The following EXD1 variants were observed in gnomAD, a reference collection of about 807,000 sequenced individuals.
EXD1 encodes exonuclease 3'-5' domain containing 1.
A neutral mutation model predicts 49.1 loss-of-function variants in EXD1; 63 were observed. The observed-to-expected ratio is 1.28, with a 90% CI of 1.05 to 1.58. The LOEUF is 1.58. EXD1 is among the 40% of genes most tolerant of loss of function. The pLI, the probability that EXD1 is intolerant of heterozygous loss-of-function variation, is 0.00. For missense variants in EXD1, 748 were observed against 666.0 expected, an observed-to-expected ratio of 1.12 and a Z score of -1.36; for synonymous variants, 234 against 239.2, an observed-to-expected ratio of 0.98 and a Z score of 0.20.
intron 6 of EXD1, among the ~76,000 whole-genome samples, chr15:41,211,531 A>G (rs1341401579): frequency 6.6e-6 from 1 of 152,094 alleles, no homozygotes; most frequent in Non-Finnish European, 1.5e-5. Flanking sequence ...CAATTAAAAA[A>G]CAGCAAAAGG....
rs1486703654 is a variant in EXD1 at position 41,183,773 on chromosome 15, C to T, written c.*158G>A. ...ATTTAACTTATTCATTCTCATTCTC[C>T]GCATACCAGGAACACAGGAGTAAGC... is the stretch of plus-strand genomic sequence containing the variant. On this transcript the variant is annotated 3_prime_UTR_variant, in exon 12 of 12. Coordinates refer to ENST00000458580, the MANE Select transcript of EXD1 (RefSeq NM_001286441.2). 13 of 597,010 alleles carry T rather than the reference C, an allele frequency of 2.2e-5. 1 individual carries two copies. The highest frequency in any genetic ancestry group is 2.1e-4 in the South Asian group (7 of 33,608). 37.0% of individuals were successfully genotyped at this position (597,010 alleles called of 1,614,324 possible).
Position 41,230,589 on chromosome 15 carries a change from C to A in EXD1, c.-164G>T. The stretch of plus-strand genomic sequence containing the variant: ...AGTGGTGCGTTCCTCGAACTTCAGT[C>A]TAGAACTAAAAGAAGAGGGGCTGCA... On this transcript the variant is annotated 5_prime_UTR_variant, in exon 1 of 12. Coordinates refer to ENST00000458580, the MANE Select transcript of EXD1 (RefSeq NM_001286441.2). The A allele has an allele frequency of 6.2e-7, 1 of 1,602,180 alleles. No individual in the cohort carries two copies. The highest frequency in any genetic ancestry group is 2.2e-5 in the East Asian group (1 of 44,760).
chr15:41,230,162 C>A, intron 1 of EXD1, among the ~76,000 whole-genome samples: 1 of 149,282 alleles, frequency 6.7e-6, no homozygotes, highest in Non-Finnish European at 1.5e-5. Flanking sequence ...CGGCTCACTG[C>A]AACCTCCGCC....
chr15:41,194,081 A>G (rs533210), intron 9 of EXD1, among the ~76,000 whole-genome samples: 112,305 of 146,894 alleles, frequency 0.76, 42,727 homozygotes, highest in East Asian at 0.99. Context: ...GTGCAATCTT[A>G]GCTTACTGCA....
chr15:41,213,831 T>C (rs1279389302), intron 6 of EXD1, among the ~76,000 whole-genome samples: 1 of 152,216 alleles, frequency 6.6e-6, no homozygotes. Context: ...CTTACAACTC[T>C]GTGACTACAC....
intron 11 of EXD1, among the ~76,000 whole-genome samples, chr15:41,187,190 A>G (rs1273666490): frequency 1.4e-5 from 2 of 146,606 alleles, no homozygotes; most frequent in Non-Finnish European, 3.0e-5. Flanking sequence ...GGTCTGTCCA[A>G]GCAATTCTCC....
chr15:41,186,162 T>C (rs1423144464), intron 11 of EXD1, among the ~76,000 whole-genome samples: 1 of 152,058 alleles, frequency 6.6e-6, no homozygotes, highest in East Asian at 1.9e-4. Context: ...TCTGCATCCA[T>C]GGATTCAACC....
Position 41,219,917 on chromosome 15 carries a change from C to A in EXD1, c.134-19G>T, listed in dbSNP as rs1332966279. ...TTCTTCACTGTTACAGAAAACAATT[C>A]ATTCAGTTAATTAAAATATTTTCCT... On this transcript the variant is annotated intron_variant, in intron 2 of 11. Coordinates refer to ENST00000458580, the MANE Select transcript of EXD1 (RefSeq NM_001286441.2). 29 of 1,521,956 alleles carry A rather than the reference C, an allele frequency of 1.9e-5. No individual in the cohort carries two copies. Among genetic ancestry groups the A allele is most frequent in the Middle Eastern group, 1.7e-4 (1 of 5,972 alleles). The allele number at this position is 1,521,956 out of a possible 1,614,324, so 94.3% of individuals were successfully genotyped here.
intron 7 of EXD1, among the ~76,000 whole-genome samples, chr15:41,197,235 T>TC (rs1194524447): frequency 6.6e-6 from 1 of 151,014 alleles, no homozygotes; most frequent in Non-Finnish European, 1.5e-5. Flanking sequence ...TTTTCTTTTT[T>TC]TTTTTTTTTT....
At chr15:41,226,974 A>G (rs2047172812) in intron 1 of EXD1, among the ~76,000 whole-genome samples, 1 of 152,248 alleles carries the variant, frequency 6.6e-6, no homozygotes, top group Non-Finnish European at 1.5e-5. Flanking sequence ...AGCAAATGAA[A>G]AAAATTGACA....
rs568734167 is a variant in EXD1, at chr15:41,230,744, G to T, written c.-319C>A. 2.4e-5 allele frequency: 14 copies of T among 583,170 alleles called. No individual in the cohort carries two copies. In the African/African-American group the frequency reaches 2.6e-4, roughly 11 times the overall value. 36.1% of individuals were successfully genotyped at this position (583,170 alleles called of 1,614,324 possible). On this transcript the variant is annotated 5_prime_UTR_variant, in exon 1 of 12. Coordinates refer to ENST00000458580, the MANE Select transcript of EXD1 (RefSeq NM_001286441.2). The stretch of plus-strand genomic sequence containing the variant: ...AGAGGCGACGCCCGCCCGGCCCAAC[G>T]TCCAGTCTCGTCTGTTTCCCGAGGA...
At chr15:41,215,865 C>A (rs1309353546) in intron 5 of EXD1, 32 bp from the exon 6 acceptor site, 9 of 1,603,444 alleles carry the variant, frequency 5.6e-6, no homozygotes, top group Non-Finnish European at 6.8e-6. Flanking sequence ...AGATATATTT[C>A]TCTTCCTCAG....
Position 41,183,873 on chromosome 15 carries a change from G to T in EXD1, c.*58C>A, listed in dbSNP as rs1595415140. Reference sequence around the variant, plus strand: ...ATGAGAAACCTGGGCACTGTGGAAAGCCCTGATGGCAAAGGAAATAAGCCA... The same window carrying T: ...ATGAGAAACCTGGGCACTGTGGAAATCCCTGATGGCAAAGGAAATAAGCCA... On this transcript the variant is annotated 3_prime_UTR_variant, in exon 12 of 12. Transcript: ENST00000458580. 1.3e-6 allele frequency: 2 copies of T among 1,495,040 alleles called. No individual in the cohort carries two copies. Among genetic ancestry groups the T allele is most frequent in the East Asian group, 2.3e-5 (1 of 44,004 alleles). The allele number at this position is 1,495,040 out of a possible 1,614,324, so 92.6% of individuals were successfully genotyped here. A position where few individuals can be genotyped will look rare whatever the true frequency, so the allele number is the denominator to read the frequency against.
At position 41,183,319 on chromosome 15, in the gene EXD1, G is replaced by A. The variant is rs999659207; in HGVS notation, c.*612C>T. The A allele has an allele frequency of 6.6e-6, 1 of 151,934 alleles. No individual in the cohort carries two copies. The highest frequency in any genetic ancestry group is 2.4e-5 in the African/African-American group (1 of 41,372). 9.4% of individuals were successfully genotyped at this position (151,934 alleles called of 1,614,324 possible). ...CAAATAAAACAAAAATTAAATTATT[G>A]ATTCCTATAACATTATTTGCCTAAG... On this transcript the variant is annotated 3_prime_UTR_variant, in exon 12 of 12. Coordinates refer to ENST00000458580, the MANE Select transcript of EXD1 (RefSeq NM_001286441.2).
Position 41,230,550 on chromosome 15 carries a change from C to T in EXD1, c.-125G>A. On this transcript the variant is annotated 5_prime_UTR_variant, in exon 1 of 12. Transcript: ENST00000458580. ...CGAAGGAAGTTTGGGAAATCTGGAT[C>T]CTAATTTCAGCCAAGTGGTGCGTTC... 3 of 1,614,094 alleles carry T rather than the reference C, an allele frequency of 1.9e-6. No homozygotes were observed. Among genetic ancestry groups the T allele is most frequent in the Non-Finnish European group, 2.5e-6 (3 of 1,179,984 alleles).
intron 6 of EXD1, among the ~76,000 whole-genome samples, chr15:41,213,250 G>A (rs1485009354): frequency 2.0e-5 from 3 of 151,524 alleles, no homozygotes; most frequent in Non-Finnish European, 4.4e-5. Context: ...CACCCAGGCT[G>A]GAGTGCAGTG....
intron 2 of EXD1, among the ~76,000 whole-genome samples, chr15:41,221,984 C>T (rs1432015396): frequency 2.6e-5 from 4 of 151,714 alleles, no homozygotes; most frequent in Admixed American, 6.6e-5. Flanking sequence ...CCTGTAATCC[C>T]AACTACGTGG....
rs778214982 is a variant in EXD1 at position 41,202,166 on chromosome 15, A to AT, written c.535-6130dup. Reference sequence around the variant, plus strand: ...ACTTTCATTATATATATATATATATATTTTTTTTAATTTAATTTTATTTTT... The same window carrying AT: ...ACTTTCATTATATATATATATATATATTTTTTTTTAATTTAATTTTATTTTT... On this transcript the variant is annotated intron_variant, in intron 7 of 11. Coordinates refer to ENST00000458580, the MANE Select transcript of EXD1 (RefSeq NM_001286441.2). Among the ~76,000 whole-genome samples the AT allele has an allele frequency of 0.028, 3,648 of 132,602 alleles. 323 individuals carry two copies. In the East Asian group the frequency reaches 0.33, roughly 12 times the overall value. The allele number at this position is 132,602 out of a possible 152,430, so 87.0% of individuals were successfully genotyped here.
chr15:41,227,098 G>A (rs895448261), intron 1 of EXD1, among the ~76,000 whole-genome samples: 1 of 152,114 alleles, frequency 6.6e-6, no homozygotes, highest in Non-Finnish European at 1.5e-5. Flanking sequence ...GGTAATTTTT[G>A]CTAAAACTGA....
Sources: gnomAD v4.1 joint callset for allele counts (sites outside exome capture counted in the v4.1 genomes callset) on GRCh38, gnomAD v4.1.1 for gene constraint, MANE v1.5 for transcripts, NCBI Gene and HGNC (gene_info 2026-07-23, HGNC 2026-07-21) for gene names.